The following SYNE1 variants were observed in gnomAD, a reference collection of about 807,000 sequenced individuals.
SYNE1 encodes nesprin-1.
In SYNE1, 616 loss-of-function variants were observed where a neutral mutation model predicts 1,111.0. The ratio of observed to expected loss-of-function variants is 0.55; its 90% confidence interval spans 0.52 to 0.59. SYNE1 has a LOEUF of 0.59. Among genes scored for constraint, SYNE1 ranks in the 20% least tolerant of loss-of-function variants. The pLI is 0.00. For synonymous variants in SYNE1, 3,855 were observed against 3,825.8 expected, an observed-to-expected ratio of 1.01 and a Z score of -0.28; for missense variants, 10,006 against 10,417.0, an observed-to-expected ratio of 0.96 and a Z score of 1.72.
intron 3 of SYNE1, among the ~76,000 whole-genome samples, chr6:152,621,193 A>G (rs139400693): frequency 6.6e-6 from 1 of 152,176 alleles, no homozygotes; most frequent in Non-Finnish European, 1.5e-5. Flanking sequence ...ACATAGGTGG[A>G]TATATAGAGG....
intron 65 of SYNE1, 21 bp downstream of exon 65, chr6:152,359,294 A>G (rs769002943): frequency 3.7e-6 from 6 of 1,613,212 alleles, no homozygotes; most frequent in Non-Finnish European, 5.1e-6. Context: ...GTGAGTCTAC[A>G]AGGAAAGTGC....
intron 3 of SYNE1, among the ~76,000 whole-genome samples, chr6:152,549,377 T>C (rs2099329231): frequency 6.6e-6 from 1 of 152,196 alleles, no homozygotes; most frequent in Non-Finnish European, 1.5e-5. Flanking sequence ...CTGATTGGCT[T>C]AAGCCACAGA....
chr6:152,615,777 A>C (rs1451059734), intron 3 of SYNE1, among the ~76,000 whole-genome samples: 1 of 152,148 alleles, frequency 6.6e-6, no homozygotes, highest in East Asian at 1.9e-4. Flanking sequence ...AGAATATCTG[A>C]CTCTTACTCA....
intron 119 of SYNE1, among the ~76,000 whole-genome samples, chr6:152,220,510 T>A (rs1028109146): frequency 6.6e-6 from 1 of 152,232 alleles, no homozygotes; most frequent in Non-Finnish European, 1.5e-5. Flanking sequence ...GAAGATTTTT[T>A]AAAGATAGAA....
chr6:152,303,744 T>C (rs1188651725), intron 91 of SYNE1, among the ~76,000 whole-genome samples: 1 of 152,232 alleles, frequency 6.6e-6, no homozygotes, highest in Non-Finnish European at 1.5e-5. Flanking sequence ...TGTTATACTG[T>C]ACAATTTAGG....
intron 131 of SYNE1, 74 bp downstream of exon 131, chr6:152,164,089 G>A (rs945100697): frequency 1.3e-6 from 2 of 1,593,234 alleles, no homozygotes; most frequent in Non-Finnish European, 1.7e-6. Flanking sequence ...ACCATCTCAT[G>A]CCCACCCCAT....
intron 131 of SYNE1, among the ~76,000 whole-genome samples, chr6:152,160,837 T>C (rs940947962): frequency 1.3e-5 from 2 of 152,170 alleles, no homozygotes; most frequent in African/African-American, 4.8e-5. Context: ...TTATCCCTTG[T>C]GTTTTGCAGT....
chr6:152,569,691 T>C (rs1020883627), intron 3 of SYNE1, among the ~76,000 whole-genome samples: 1 of 152,108 alleles, frequency 6.6e-6, no homozygotes, highest in East Asian at 1.9e-4. Flanking sequence ...GCATCCAAAA[T>C]ACTCTCAAAT....
intron 13 of SYNE1, among the ~76,000 whole-genome samples, chr6:152,484,345 C>G (rs2154296052): frequency 6.6e-6 from 1 of 152,190 alleles, no homozygotes; most frequent in East Asian, 1.9e-4. Flanking sequence ...AGATACTGAG[C>G]AATTTTCCTT....
intron 75 of SYNE1, among the ~76,000 whole-genome samples, chr6:152,337,511 A>G (rs1365602184): frequency 6.6e-6 from 1 of 152,124 alleles, no homozygotes; most frequent in Admixed American, 6.5e-5. Context: ...CTGGTCTCGA[A>G]CTCCCAACCT....
At position 152,628,382 on chromosome 6, in the gene SYNE1, A is replaced by C. The variant is rs1342481372; in HGVS notation, c.-51T>G. Reference sequence around the variant, plus strand: ...CACCAAGAGACTCTTCACTGGAGGCAGCACAGGGCTACACCACTCTAGAAA... The same window carrying C: ...CACCAAGAGACTCTTCACTGGAGGCCGCACAGGGCTACACCACTCTAGAAA... On this transcript the variant is annotated 5_prime_UTR_variant, in exon 3 of 146. Coordinates refer to ENST00000367255, the MANE Select transcript of SYNE1 (RefSeq NM_182961.4). The C allele has an allele frequency of 6.4e-7, 1 of 1,563,356 alleles. No individual in the cohort carries two copies. The highest frequency in any genetic ancestry group is 2.2e-5 in the East Asian group (1 of 44,628).
At chr6:152,151,437 G>T in intron 135 of SYNE1, 116 bp downstream of exon 135, 1 of 1,337,920 alleles carries the variant, frequency 7.5e-7, no homozygotes, top group Non-Finnish European at 1.0e-6. Context: ...TTTTTTTGCA[G>T]TCCAGAACTA....
At chr6:152,596,098 TAAAAAA>T (rs71017542) in intron 3 of SYNE1, among the ~76,000 whole-genome samples, 6 of 18,590 alleles carry the variant, frequency 3.2e-4, no homozygotes, top group East Asian at 4.3e-3. Flanking sequence ...AAGGGCAATC[TAAAAAA>T]AAAAAAAAAA....
At chr6:152,164,103 C>T in intron 131 of SYNE1, 60 bp downstream of exon 131, 1 of 1,606,426 alleles carries the variant, frequency 6.2e-7, no homozygotes, top group Non-Finnish European at 8.5e-7. Context: ...ACCCCATCAT[C>T]CTGGCCAGGA....
At chr6:152,422,791 G>A (rs1421968940) in intron 39 of SYNE1, among the ~76,000 whole-genome samples, 1 of 152,234 alleles carries the variant, frequency 6.6e-6, no homozygotes, top group African/African-American at 2.4e-5. Flanking sequence ...TTATGGGCAT[G>A]AGCCATCACA....
At chr6:152,244,423 AG>A in intron 106 of SYNE1, 113 bp downstream of exon 106, 1 of 1,520,306 alleles carries the variant, frequency 6.6e-7, no homozygotes. Context: ...TAGAAAGGTT[AG>A]GACCTAAGTG....
intron 96 of SYNE1, among the ~76,000 whole-genome samples, chr6:152,283,683 C>G (rs1023648723): frequency 6.6e-6 from 1 of 152,076 alleles, no homozygotes; most frequent in Non-Finnish European, 1.5e-5. Context: ...ACTACAGGCA[C>G]ACACCACCAT....
intron 93 of SYNE1, among the ~76,000 whole-genome samples, chr6:152,295,718 C>T (rs1026322865): frequency 1.4e-4 from 21 of 152,032 alleles, no homozygotes; most frequent in Non-Finnish European, 1.5e-5. Context: ...TTTCAAAAGT[C>T]TATGTATATT....
chr6:152,447,756 C>A, intron 28 of SYNE1, 134 bp from the exon 29 acceptor site: 1 of 1,014,094 alleles, frequency 9.9e-7, no homozygotes, highest in Non-Finnish European at 1.5e-6. Context: ...AATACAGTGC[C>A]TGCTTAGTTT....
Sources: allele counts gnomAD v4.1 joint callset (sites outside exome capture counted in the v4.1 genomes callset), GRCh38; gene constraint gnomAD v4.1.1; transcripts MANE v1.5; gene names NCBI Gene and HGNC (gene_info 2026-07-23, HGNC 2026-07-21).